The following SNX9 variants were observed in gnomAD, a reference collection of about 807,000 sequenced individuals.
SNX9 encodes the protein sorting nexin-9.
Under a neutral mutation model 89.4 loss-of-function variants are expected in SNX9, and 44 were observed. The observed-to-expected ratio is 0.49, with a 90% CI of 0.39 to 0.63. The LOEUF is 0.63. Among genes scored for constraint, SNX9 ranks in the 30% least tolerant of loss-of-function variants. SNX9 has a pLI of 0.00. For missense variants in SNX9, 578 were observed against 736.1 expected, an observed-to-expected ratio of 0.79 and a Z score of 2.49; for synonymous variants, 236 against 247.8, an observed-to-expected ratio of 0.95 and a Z score of 0.45.
chr6:157,878,924 T>TG (rs1361678641), intron 4 of SNX9, among the ~76,000 whole-genome samples: 1 of 139,752 alleles, frequency 7.2e-6, no homozygotes, highest in African/African-American at 2.9e-5. Context: ...GGCTGTCCTT[T>TG]GGTGGGGGAA....
rs565368615 is a variant in SNX9, at chr6:157,836,717, A to G, written c.12+13271A>G. Among the ~76,000 whole-genome samples the G allele has an allele frequency of 6.6e-5, 10 of 152,176 alleles. No individual in the cohort carries two copies. The East Asian group carries it at 1.7e-3, about 26-fold the overall frequency. On this transcript the variant is annotated intron_variant, in intron 1 of 17. Transcript: ENST00000392185. ...GCCATTTTCCTGCCTCAGCCTCCCA[A>G]GTAGCTGGGACTACAGGCACCCACT...
intron 1 of SNX9, among the ~76,000 whole-genome samples, chr6:157,833,291 A>G (rs965408213): frequency 2.0e-5 from 3 of 152,140 alleles, no homozygotes; most frequent in African/African-American, 2.4e-5. Context: ...AGGAAAAAAA[A>G]GATTTTTTTT....
At chr6:157,930,673 C>T (rs1218277690) in intron 12 of SNX9, among the ~76,000 whole-genome samples, 1 of 152,174 alleles carries the variant, frequency 6.6e-6, no homozygotes, top group Admixed American at 6.5e-5. Flanking sequence ...AATCTAATGC[C>T]TGATAATCTG....
intron 1 of SNX9, among the ~76,000 whole-genome samples, chr6:157,850,993 T>A (rs1781899157): frequency 6.6e-6 from 1 of 152,172 alleles, no homozygotes; most frequent in Non-Finnish European, 1.5e-5. Context: ...TGGTGGCTCA[T>A]GCCTGTAATC....
rs1554291784 is a variant in SNX9, at chr6:157,844,587, G to GTTTTTTTGTTTTTTTTT, written c.12+21148_12+21149insGTTTTTTTTTTTTTTTT. Among the ~76,000 whole-genome samples the GTTTTTTTGTTTTTTTTT allele has an allele frequency of 6.2e-4, 81 of 130,274 alleles. 4 individuals are homozygous for GTTTTTTTGTTTTTTTTT. Among genetic ancestry groups the GTTTTTTTGTTTTTTTTT allele is most frequent in the South Asian group, 1.0e-3 (4 of 3,980 alleles). The allele number at this position is 130,274 out of a possible 152,430, so 85.5% of individuals were successfully genotyped here. A position where few individuals can be genotyped will look rare whatever the true frequency, so the allele number is the denominator to read the frequency against. On this transcript the variant is annotated intron_variant, in intron 1 of 17. Coordinates refer to ENST00000392185, the MANE Select transcript of SNX9 (RefSeq NM_016224.5). ...ATTTTTAATCTTGTGGCTAATCCTT[G>GTTTTTTTGTTTTTTTTT]TTTTTTTTTTTTGTTTTTTTTTTTG...
chr6:157,932,413 A>G (rs1783830014), intron 13 of SNX9, 141 bp downstream of exon 13: 3 of 693,048 alleles, frequency 4.3e-6, no homozygotes, highest in African/African-American at 1.8e-5. Flanking sequence ...CTGCCGCACT[A>G]AGGACTTTTG....
At chr6:157,907,888 C>T in intron 7 of SNX9, among the ~76,000 whole-genome samples, 1 of 152,262 alleles carries the variant, frequency 6.6e-6, no homozygotes, top group South Asian at 2.1e-4. Flanking sequence ...TCGGCCCACT[C>T]ACTGAGGGAG....
At chr6:157,883,777 A>G (rs1782676792) in intron 4 of SNX9, among the ~76,000 whole-genome samples, 1 of 152,206 alleles carries the variant, frequency 6.6e-6, no homozygotes, top group South Asian at 2.1e-4. Context: ...CAGCTCAAAT[A>G]CCATGTCTTC....
At chr6:157,860,525 A>G (rs1782098985) in intron 1 of SNX9, among the ~76,000 whole-genome samples, 1 of 152,260 alleles carries the variant, frequency 6.6e-6, no homozygotes, top group Non-Finnish European at 1.5e-5. Context: ...ATTACTTGGT[A>G]ATCGTGATGG....
chr6:157,862,829 C>T lies in SNX9; in HGVS notation c.13-4718C>T, dbSNP rs191231762. 7.8e-3 allele frequency among the ~76,000 whole-genome samples: 1,183 copies of T among 151,960 alleles called. 8 individuals carry two copies. Among genetic ancestry groups the T allele is most frequent in the Middle Eastern group, 0.014 (4 of 294 alleles). Reference sequence around the variant, plus strand: ...AGTGTTTTTTTAAATTAGAATGTTTCCTTAATAAATTCTTTGGTTTGGGGT... The same window carrying T: ...AGTGTTTTTTTAAATTAGAATGTTTTCTTAATAAATTCTTTGGTTTGGGGT... On this transcript the variant is annotated intron_variant, in intron 1 of 17. Coordinates refer to ENST00000392185, the MANE Select transcript of SNX9 (RefSeq NM_016224.5).
chr6:157,876,763 G>A (rs1184308606), intron 4 of SNX9, among the ~76,000 whole-genome samples: 1 of 152,240 alleles, frequency 6.6e-6, no homozygotes, highest in Non-Finnish European at 1.5e-5. Context: ...TGCCGTTTGA[G>A]GCCCCGCGCC....
intron 17 of SNX9, 143 bp from the exon 18 acceptor site, chr6:157,942,648 C>T (rs1291772728): frequency 4.9e-5 from 41 of 828,692 alleles, no homozygotes; most frequent in Middle Eastern, 2.6e-4. Flanking sequence ...AGCAGCAACG[C>T]GGGGCAGGGC....
intron 9 of SNX9, among the ~76,000 whole-genome samples, chr6:157,915,511 C>T (rs1347239240): frequency 2.7e-5 from 4 of 150,266 alleles, no homozygotes; most frequent in Admixed American, 6.6e-5. Context: ...TCAGGCCAGG[C>T]GCGGTGGCTC....
intron 4 of SNX9, among the ~76,000 whole-genome samples, chr6:157,893,715 A>C (rs1263313393): frequency 6.6e-6 from 1 of 152,160 alleles, no homozygotes; most frequent in Non-Finnish European, 1.5e-5. Flanking sequence ...AGTGAAAGGC[A>C]TGAATAATTT....
intron 2 of SNX9, among the ~76,000 whole-genome samples, chr6:157,868,574 T>C (rs1280476507): frequency 1.3e-5 from 2 of 152,240 alleles, no homozygotes; most frequent in Non-Finnish European, 2.9e-5. Context: ...GTGTCCAATC[T>C]TCTTTGCCCA....
chr6:157,911,410 G>A (rs750690221), intron 9 of SNX9, among the ~76,000 whole-genome samples: 3 of 152,170 alleles, frequency 2.0e-5, no homozygotes, highest in Non-Finnish European at 4.4e-5. Context: ...CACTGCACTC[G>A]CAAGAGTCGA....
chr6:157,899,068 A>T (rs1035800493), intron 5 of SNX9, among the ~76,000 whole-genome samples: 28 of 151,076 alleles, frequency 1.9e-4, no homozygotes, highest in East Asian at 3.9e-4. Flanking sequence ...AAGGAGAAGG[A>T]GGAGAGCCCA....
intron 1 of SNX9, among the ~76,000 whole-genome samples, chr6:157,856,739 A>T (rs1782020352): frequency 6.6e-6 from 1 of 151,470 alleles, no homozygotes; most frequent in Non-Finnish European, 1.5e-5. Flanking sequence ...TTCTTACCTT[A>T]CCCTCATTAC....
intron 1 of SNX9, 41 bp from the exon 2 acceptor site, chr6:157,867,502 CTGTT>C (rs1346232552): frequency 8.7e-6 from 13 of 1,502,792 alleles, no homozygotes; most frequent in African/African-American, 4.1e-5. Context: ...TTTTACTACT[CTGTT>C]TGTGTTTGTA....
Sources: gnomAD v4.1 joint callset for allele counts (sites outside exome capture counted in the v4.1 genomes callset) on GRCh38, gnomAD v4.1.1 for gene constraint, MANE v1.5 for transcripts, NCBI Gene and HGNC (gene_info 2026-07-23, HGNC 2026-07-21) for gene names.